The following CNTNAP2 variants were observed in gnomAD, a reference collection of about 807,000 sequenced individuals.
The protein encoded by CNTNAP2 is contactin associated protein 2.
Under a neutral mutation model 155.2 loss-of-function variants are expected in CNTNAP2, and 98 were observed. That is an observed-to-expected ratio of 0.63 (90% confidence interval 0.54 to 0.75). The LOEUF is 0.75. Ranked by LOEUF, CNTNAP2 falls within the 30% of genes least tolerant of loss-of-function variation. CNTNAP2 has a pLI of 0.00. For missense variants in CNTNAP2, 1,727 were observed against 1,688.1 expected, an observed-to-expected ratio of 1.02 and a Z score of -0.40; for synonymous variants, 651 against 631.2, an observed-to-expected ratio of 1.03 and a Z score of -0.47.
At chr7:148,016,759 T>C (rs1377836729) in intron 15 of CNTNAP2, among the ~76,000 whole-genome samples, 1 of 152,196 alleles carries the variant, frequency 6.6e-6, no homozygotes, top group Non-Finnish European at 1.5e-5. Flanking sequence ...GGAAGGTATA[T>C]ATCCCTAATC....
intron 21 of CNTNAP2, among the ~76,000 whole-genome samples, chr7:148,332,422 G>GAGAGAA (rs1359068565): frequency 6.6e-6 from 1 of 152,182 alleles, no homozygotes; most frequent in Non-Finnish European, 1.5e-5. Flanking sequence ...GAGCAGTTCA[G>GAGAGAA]AGAGAAAGGA....
chr7:147,627,584 T>C (rs10238638), intron 12 of CNTNAP2, among the ~76,000 whole-genome samples: 13,335 of 147,506 alleles, frequency 0.09, 1,691 homozygotes, highest in African/African-American at 0.26. Flanking sequence ...CCCAGGTACT[T>C]GGGAGGCTGA....
chr7:146,561,599 A>G (rs1416861001), intron 1 of CNTNAP2, among the ~76,000 whole-genome samples: 1 of 152,068 alleles, frequency 6.6e-6, no homozygotes, highest in African/African-American at 2.4e-5. Flanking sequence ...TTCCATGCTG[A>G]AGTGAGCAGT....
At position 146,483,300 on chromosome 7, in the gene CNTNAP2, T is replaced by A. The variant is rs1235055960; in HGVS notation, c.98-290971T>A. 2.9e-3 allele frequency among the ~76,000 whole-genome samples: 192 copies of A among 66,050 alleles called. 6 individuals carry two copies. The highest frequency in any genetic ancestry group is 0.02 in the Middle Eastern group (3 of 148). 43.3% of individuals were successfully genotyped at this position (66,050 alleles called of 152,430 possible). On this transcript the variant is annotated intron_variant, in intron 1 of 23. Coordinates refer to ENST00000361727, the MANE Select transcript of CNTNAP2 (RefSeq NM_014141.6). ...AAAAAAAAATATATATATATATATA[T>A]ATATATATATATATATATATATATA...
At chr7:147,037,539 G>T (rs1333450259) in intron 3 of CNTNAP2, among the ~76,000 whole-genome samples, 1 of 144,104 alleles carries the variant, frequency 6.9e-6, no homozygotes, top group African/African-American at 2.6e-5. Context: ...TTGGCTCACT[G>T]CAACCTCCAC....
chr7:146,390,592 ATTTTCATGAAATAAAAATATATATTT>A (rs999750516), intron 1 of CNTNAP2, among the ~76,000 whole-genome samples: 14 of 150,184 alleles, frequency 9.3e-5, no homozygotes, highest in South Asian at 2.1e-4. Context: ...AAATACATAT[ATTTTCATGAAATAAAAATATATATTT>A]TTTTCATGAA....
chr7:147,330,011 G>T (rs1386418492), intron 9 of CNTNAP2, among the ~76,000 whole-genome samples: 1 of 152,048 alleles, frequency 6.6e-6, no homozygotes, highest in African/African-American at 2.4e-5. Flanking sequence ...TTCCTGAGTG[G>T]CAGGAATGTC....
intron 22 of CNTNAP2, among the ~76,000 whole-genome samples, chr7:148,399,776 A>G (rs1799544130): frequency 2.0e-5 from 3 of 152,228 alleles, no homozygotes; most frequent in African/African-American, 7.2e-5. Context: ...CTGGCAGGCA[A>G]ATCATTAAAT....
chr7:148,105,124 A>G (rs1482469086), intron 15 of CNTNAP2, among the ~76,000 whole-genome samples: 1 of 152,216 alleles, frequency 6.6e-6, no homozygotes, highest in African/African-American at 2.4e-5. Context: ...AAGTAATTAT[A>G]ATAACAAGTT....
At chr7:147,906,389 T>A (rs777622789) in intron 14 of CNTNAP2, among the ~76,000 whole-genome samples, 2 of 152,110 alleles carry the variant, frequency 1.3e-5, no homozygotes, top group African/African-American at 2.4e-5. Flanking sequence ...CAGACTGGTC[T>A]TGAACTCCTG....
intron 11 of CNTNAP2, among the ~76,000 whole-genome samples, chr7:147,553,114 A>G (rs1240637613): frequency 6.6e-6 from 1 of 152,196 alleles, no homozygotes; most frequent in East Asian, 1.9e-4. Flanking sequence ...TGAAGGTGAG[A>G]CAGCAGTGAT....
chr7:146,428,678 ATCT>A (rs1475462814), intron 1 of CNTNAP2, among the ~76,000 whole-genome samples: 1 of 151,840 alleles, frequency 6.6e-6, no homozygotes, highest in African/African-American at 2.4e-5. Flanking sequence ...GATTGCAAAA[ATCT>A]TCTCCCATTT....
chr7:148,137,213 A>T (rs954366512), intron 16 of CNTNAP2, among the ~76,000 whole-genome samples: 11 of 152,240 alleles, frequency 7.2e-5, no homozygotes, highest in African/African-American at 2.4e-4. Context: ...CATTTCTAAT[A>T]TTCATTACTA....
At chr7:148,125,899 C>T (rs1414305157) in intron 16 of CNTNAP2, among the ~76,000 whole-genome samples, 1 of 151,948 alleles carries the variant, frequency 6.6e-6, no homozygotes, top group East Asian at 1.9e-4. Flanking sequence ...GACAGGGTTT[C>T]ATCATGTTGG....
intron 1 of CNTNAP2, among the ~76,000 whole-genome samples, chr7:146,758,881 C>T (rs1334950002): frequency 6.6e-6 from 1 of 152,078 alleles, no homozygotes; most frequent in Non-Finnish European, 1.5e-5. Flanking sequence ...CCTCTCCTTC[C>T]CTTTTTAAGA....
At chr7:148,024,156 G>GGAA (rs1563171018) in intron 15 of CNTNAP2, among the ~76,000 whole-genome samples, 1 of 8,702 alleles carries the variant, frequency 1.1e-4, no homozygotes, top group African/African-American at 3.8e-4. Flanking sequence ...CCTTTAAAGT[G>GGAA]TAAAAAAAAA....
chr7:148,122,768 T>C (rs1259515892), intron 16 of CNTNAP2, among the ~76,000 whole-genome samples: 1 of 151,586 alleles, frequency 6.6e-6, no homozygotes, highest in Non-Finnish European at 1.5e-5. Flanking sequence ...TGATGAAGCA[T>C]TGTAGATATG....
chr7:148,198,194 C>T (rs1039439666), intron 18 of CNTNAP2, among the ~76,000 whole-genome samples: 3 of 152,282 alleles, frequency 2.0e-5, no homozygotes, highest in East Asian at 3.9e-4. Context: ...GCCACCACCC[C>T]CCATGGCAGC....
At chr7:148,330,040 T>G (rs761371806) in intron 21 of CNTNAP2, among the ~76,000 whole-genome samples, 1 of 151,998 alleles carries the variant, frequency 6.6e-6, no homozygotes, top group South Asian at 2.1e-4. Context: ...CACAAATGGA[T>G]GAAAGACATG....
Sources: gnomAD v4.1 joint callset for allele counts (sites outside exome capture counted in the v4.1 genomes callset) on GRCh38, gnomAD v4.1.1 for gene constraint, MANE v1.5 for transcripts, NCBI Gene and HGNC (gene_info 2026-07-23, HGNC 2026-07-21) for gene names.